TRPC4AP: variants seen among roughly 807,000 people sequenced by gnomAD.
TRPC4AP encodes the protein short transient receptor potential channel 4-associated protein.
TRPC4AP carries 45 observed loss-of-function variants against 99.0 expected under a neutral mutation model. That is an observed-to-expected ratio of 0.45 (90% CI 0.36 to 0.58). TRPC4AP has a LOEUF of 0.58. Among genes scored for constraint, TRPC4AP ranks in the 20% least tolerant of loss-of-function variants. TRPC4AP has a pLI of 0.00. For synonymous variants in TRPC4AP, 408 were observed against 385.8 expected (o/e 1.06, Z -0.67); for missense variants, 879 against 985.3 (o/e 0.89, Z 1.44).
At chr20:35,055,419 T>C (rs1464611754) in intron 4 of TRPC4AP, among the ~76,000 whole-genome samples, 1 of 152,248 alleles carries the variant, frequency 6.6e-6, no homozygotes, top group African/African-American at 2.4e-5. Flanking sequence ...CAACTTAATA[T>C]ATATGTGTAT....
chr20:35,067,381 T>A (rs953542502), intron 3 of TRPC4AP, among the ~76,000 whole-genome samples: 2 of 152,176 alleles, frequency 1.3e-5, no homozygotes, highest in African/African-American at 2.4e-5. Flanking sequence ...TTGGCAAGGA[T>A]ACAGAAAAAC....
chr20:35,016,419 A>C (rs1335838015), intron 9 of TRPC4AP, among the ~76,000 whole-genome samples: 1 of 152,210 alleles, frequency 6.6e-6, no homozygotes, highest in East Asian at 1.9e-4. Context: ...AGAGTCCTGC[A>C]TATGATTCAA....
chr20:35,063,595 G>C (rs533966646), intron 3 of TRPC4AP, among the ~76,000 whole-genome samples: 1 of 152,124 alleles, frequency 6.6e-6, no homozygotes, highest in African/African-American at 2.4e-5. Context: ...AGGGTGGCTC[G>C]TGCCTATAAT....
At chr20:35,055,174 T>C in intron 4 of TRPC4AP, 143 bp from the exon 5 acceptor site, 2 of 693,192 alleles carry the variant, frequency 2.9e-6, no homozygotes, top group Non-Finnish European at 2.3e-6. Context: ...CCAGCCCCTG[T>C]CTACCAAAGG....
At chr20:35,052,532 G>T (rs1028018296) in intron 5 of TRPC4AP, among the ~76,000 whole-genome samples, 3 of 152,134 alleles carry the variant, frequency 2.0e-5, no homozygotes, top group African/African-American at 4.8e-5. Context: ...CCCTCACTCT[G>T]TCACCCACGC....
chr20:35,043,222 A>T (rs1407297671), intron 7 of TRPC4AP, among the ~76,000 whole-genome samples: 1 of 151,862 alleles, frequency 6.6e-6, no homozygotes, highest in Non-Finnish European at 1.5e-5. Context: ...GTCTTTTGTT[A>T]TTACAAATAA....
chr20:35,044,458 G>A, intron 7 of TRPC4AP, 47 bp downstream of exon 7: 15 of 1,523,858 alleles, frequency 9.8e-6, no homozygotes, highest in Non-Finnish European at 1.3e-5. Context: ...ATTTAGTAAG[G>A]GCCTCAGAGC....
At chr20:35,063,165 A>G (rs962376834) in intron 3 of TRPC4AP, among the ~76,000 whole-genome samples, 1 of 152,134 alleles carries the variant, frequency 6.6e-6, no homozygotes, top group Non-Finnish European at 1.5e-5. Flanking sequence ...CCCTGCTTGC[A>G]CTCACTCTGT....
rs547869278 is a variant in TRPC4AP, at chr20:35,009,104, C to T, written c.1512-357G>A. Among the ~76,000 whole-genome samples, 9 of 152,344 alleles carry T rather than the reference C, an allele frequency of 5.9e-5. No homozygotes were observed. In the South Asian group the frequency reaches 8.3e-4, roughly 14 times the overall value. On this transcript the variant is annotated intron_variant, in intron 12 of 18. Transcript: ENST00000252015. Reference sequence around the variant, plus strand: ...ACTCTGCCAATAGGGTGAGGCCCAGCGTACTCCGTGCCTGAGGTTCACTTC... The same window carrying T: ...ACTCTGCCAATAGGGTGAGGCCCAGTGTACTCCGTGCCTGAGGTTCACTTC...
Position 35,004,459 on chromosome 20 carries a change from T to C in TRPC4AP, c.2048A>G (p.Gln683Arg), listed in dbSNP as rs766991716. 6.2e-7 allele frequency: 1 copy of C among 1,612,576 alleles called. No homozygotes were observed. Among genetic ancestry groups the C allele is most frequent in the Non-Finnish European group, 8.5e-7 (1 of 1,179,264 alleles). ...TGTGTGTCTGCCGGGGCCTCTCACC[T>C]GGGTCAGCGTCTGCACGTGGATGAT... ...INIIHVQTLT[Q>R]ENVSCLNTSL... The change falls in exon 17 of 19, where the codon CAG becomes CGG. Residue 683 changes from glutamine to arginine, a missense_variant and splice_region_variant. By Grantham distance (43) the Gln-to-Arg change is conservative. Around this residue, in one of 3 missense-constraint regions of TRPC4AP, gnomAD observed 224 missense variants for 264.7 expected, o/e 0.85. Coordinates refer to ENST00000252015, the MANE Select transcript of TRPC4AP (RefSeq NM_015638.3).
intron 8 of TRPC4AP, chr20:35,030,241 C>CAAAAAAAAAA (rs572401085): frequency 2.7e-5 from 3 of 111,694 alleles, no homozygotes; most frequent in Non-Finnish European, 5.5e-5. Flanking sequence ...AACTCCATAT[C>CAAAAAAAAAA]AAAAAAAAAA....
chr20:35,038,182 C>T (rs188161008), intron 7 of TRPC4AP, among the ~76,000 whole-genome samples: 66 of 150,312 alleles, frequency 4.4e-4, no homozygotes, highest in African/African-American at 1.5e-3. Flanking sequence ...TACTAAATGC[C>T]GCTGAGTTGT....
intron 3 of TRPC4AP, among the ~76,000 whole-genome samples, chr20:35,066,940 G>T (rs1459734287): frequency 6.6e-6 from 1 of 151,904 alleles, no homozygotes; most frequent in East Asian, 1.9e-4. Flanking sequence ...ATAAACACAA[G>T]AAAAAATATC....
At position 35,089,326 on chromosome 20, in the gene TRPC4AP, A is replaced by C. The variant is rs1479812592; in HGVS notation, c.168+3288T>G. ...ACTGCAGCCTTGACTTGCCAGGCTCAAGCGATCTTCCCACCTCGGGTTCCT... is the reference window on the plus strand; with the variant it reads ...ACTGCAGCCTTGACTTGCCAGGCTCCAGCGATCTTCCCACCTCGGGTTCCT... On this transcript the variant is annotated intron_variant, in intron 1 of 18. Transcript: ENST00000252015. Among the ~76,000 whole-genome samples, 3 of 151,978 alleles carry C rather than the reference A, an allele frequency of 2.0e-5. No individual in the cohort carries two copies. The East Asian group carries it at 5.8e-4, about 29-fold the overall frequency.
intron 5 of TRPC4AP, among the ~76,000 whole-genome samples, chr20:35,053,878 G>C (rs2147386091): frequency 6.6e-6 from 1 of 152,204 alleles, no homozygotes; most frequent in Admixed American, 6.5e-5. Flanking sequence ...AATAACCCAA[G>C]TGGCTTGCAT....
At chr20:35,045,195 C>G (rs148686950) in intron 6 of TRPC4AP, among the ~76,000 whole-genome samples, 1 of 152,050 alleles carries the variant, frequency 6.6e-6, no homozygotes, top group African/African-American at 2.4e-5. Flanking sequence ...GTTTATTATT[C>G]CCGTGCATGT....
At chr20:35,057,716 G>C (rs2083874351) in intron 3 of TRPC4AP, 145 bp from the exon 4 acceptor site, 2 of 587,794 alleles carry the variant, frequency 3.4e-6, no homozygotes, top group Non-Finnish European at 5.7e-6. Context: ...GTTCAGTAAG[G>C]CTCCTGACTG....
chr20:35,062,575 T>C (rs1423053098), intron 3 of TRPC4AP, among the ~76,000 whole-genome samples: 1 of 152,200 alleles, frequency 6.6e-6, no homozygotes, highest in Non-Finnish European at 1.5e-5. Context: ...AAGAAGCCAG[T>C]CACAAAAGAC....
intron 3 of TRPC4AP, among the ~76,000 whole-genome samples, chr20:35,061,250 T>C (rs1401982602): frequency 6.6e-6 from 1 of 152,014 alleles, no homozygotes; most frequent in Non-Finnish European, 1.5e-5. Flanking sequence ...TAAAGGAGCA[T>C]CAAAAACAGT....
Sources: gnomAD v4.1 joint callset for allele counts (sites outside exome capture counted in the v4.1 genomes callset) on GRCh38, gnomAD v4.1.1 for gene constraint, gnomAD v4.1.1 regional missense constraint, MANE v1.5 for transcripts, NCBI Gene and HGNC (gene_info 2026-07-23, HGNC 2026-07-21) for gene names.